The following VRK2 variants were observed in gnomAD, a reference collection of about 807,000 sequenced individuals.
VRK2 encodes the protein serine/threonine-protein kinase VRK2.
A neutral mutation model predicts 57.6 loss-of-function variants in VRK2; 60 were observed. The observed-to-expected ratio is 1.04, with a 90% confidence interval of 0.85 to 1.29. The LOEUF is 1.29. VRK2 is among the 50% of genes most tolerant of loss of function. The pLI is 0.00. For missense variants in VRK2, 705 were observed against 588.1 expected (o/e 1.20, Z -2.06); for synonymous variants, 231 against 199.2 (o/e 1.16, Z -1.35).
At chr2:58,013,858 CAAAAA>C (rs60604486) in intron 1 of VRK2, among the ~76,000 whole-genome samples, 2 of 62,806 alleles carry the variant, frequency 3.2e-5, no homozygotes, top group Admixed American at 1.7e-4. Context: ...GACTCCGTCT[CAAAAA>C]AAAAAAAAAA....
intron 2 of VRK2, among the ~76,000 whole-genome samples, chr2:58,026,024 A>G (rs960080000): frequency 1.1e-4 from 16 of 152,164 alleles, no homozygotes; most frequent in African/African-American, 3.9e-4. Flanking sequence ...CTATAAAACT[A>G]TGTGTTAATG....
chr2:57,936,531 G>GTTTTTTTTTTTTTTTTTTTTTTT (rs539088139), intron 1 of VRK2, among the ~76,000 whole-genome samples: 1 of 134,958 alleles, frequency 7.4e-6, no homozygotes, highest in Non-Finnish European at 1.6e-5. Context: ...TTGTTTTTTT[G>GTTTTTTTTTTTTTTTTTTTTTTT]TTTTTTTTTT....
At chr2:57,936,522 TG>T (rs201120313) in intron 1 of VRK2, among the ~76,000 whole-genome samples, 88 of 146,174 alleles carry the variant, frequency 6.0e-4, no homozygotes, top group African/African-American at 1.8e-3. Flanking sequence ...TGTTTTGTTT[TG>T]TTTTTTTGTT....
At chr2:58,138,675 C>T (rs1215302884) in intron 10 of VRK2, among the ~76,000 whole-genome samples, 1 of 152,122 alleles carries the variant, frequency 6.6e-6, no homozygotes, top group Admixed American at 6.5e-5. Flanking sequence ...CTCCTGCCAA[C>T]GCATGAAGTT....
chr2:58,076,951 T>C (rs1041266252), intron 2 of VRK2, among the ~76,000 whole-genome samples: 5 of 152,026 alleles, frequency 3.3e-5, no homozygotes, highest in Admixed American at 2.6e-4. Context: ...AAATAGCACA[T>C]AGTACATTAC....
chr2:58,137,869 A>C (rs1192580440), intron 10 of VRK2, among the ~76,000 whole-genome samples: 1 of 152,218 alleles, frequency 6.6e-6, no homozygotes, highest in Non-Finnish European at 1.5e-5. Flanking sequence ...TAATAAATCC[A>C]GATCTTGAAA....
rs142458537 is a variant in VRK2, at chr2:58,063,086, A to G, written c.136+14119A>G. Among the ~76,000 whole-genome samples the G allele has an allele frequency of 1.4e-4, 21 of 152,086 alleles. No homozygotes were observed. The East Asian group carries it at 4.1e-3, about 29-fold the overall frequency. ...GAAAATCCTAAGGCCCTTAAGAATTATGTTTACTATCTATTCTGCTTGTAC... is the reference window on the plus strand; with the variant it reads ...GAAAATCCTAAGGCCCTTAAGAATTGTGTTTACTATCTATTCTGCTTGTAC... On this transcript the variant is annotated intron_variant, in intron 2 of 12. Coordinates refer to ENST00000340157, the MANE Select transcript of VRK2 (RefSeq NM_006296.7).
In VRK2 at chr2:58,145,455, A is replaced by G. The variant is rs367870118; in HGVS notation, c.1024-861A>G. Among the ~76,000 whole-genome samples, 218 of 152,108 alleles carry G rather than the reference A, an allele frequency of 1.4e-3. 1 individual carries two copies. In the South Asian group the frequency reaches 0.023, roughly 16 times the overall value. On this transcript the variant is annotated intron_variant, in intron 11 of 12. Transcript: ENST00000340157. ...TGATAGAAAACTAAGATTTTAATTA[A>G]TAAGAATTTAAACTACAAAGATATA...
At chr2:58,047,736 C>T (rs1469637427) in intron 1 of VRK2, among the ~76,000 whole-genome samples, 1 of 145,470 alleles carries the variant, frequency 6.9e-6, no homozygotes. Flanking sequence ...ATTCCCAGCC[C>T]TTGTGTGCCT....
chr2:58,050,848 A>C (rs1462975669), intron 2 of VRK2, among the ~76,000 whole-genome samples: 1 of 151,198 alleles, frequency 6.6e-6, no homozygotes, highest in African/African-American at 2.4e-5. Context: ...ACATATTTTT[A>C]CTTTTTTTTT....
intron 7 of VRK2, among the ~76,000 whole-genome samples, chr2:58,103,052 A>G (rs1467433997): frequency 6.6e-6 from 1 of 151,710 alleles, no homozygotes; most frequent in African/African-American, 2.4e-5. Flanking sequence ...ATGGAGACAC[A>G]ACATACCAAA....
Position 57,975,832 on chromosome 2 carries a change from C to T in VRK2, c.-438-49833C>T, listed in dbSNP as rs143561064. On this transcript the variant is annotated intron_variant, in intron 1 of 15. Transcript: ENST00000417641. The stretch of plus-strand genomic sequence containing the variant: ...TTTGTTACATGGGTAAGTTGCATGT[C>T]ACTGGGGTTTGATATGCAAATGATT... Among the ~76,000 whole-genome samples, 66 of 151,662 alleles carry T rather than the reference C, an allele frequency of 4.4e-4. No homozygotes were observed. In the East Asian group the frequency reaches 0.012, roughly 28 times the overall value.
chr2:57,998,632 T>G (rs1672996421), intron 1 of VRK2, among the ~76,000 whole-genome samples: 1 of 152,180 alleles, frequency 6.6e-6, no homozygotes. Flanking sequence ...TTATTTTACT[T>G]TAATGAACGG....
chr2:58,016,858 T>C (rs772934368), intron 1 of VRK2, among the ~76,000 whole-genome samples: 1 of 152,188 alleles, frequency 6.6e-6, no homozygotes, highest in African/African-American at 2.4e-5. Context: ...CTCCTCACAA[T>C]AGTTTTCATA....
chr2:58,125,613 G>A (rs577895845), intron 8 of VRK2, among the ~76,000 whole-genome samples: 1 of 151,706 alleles, frequency 6.6e-6, no homozygotes, highest in Non-Finnish European at 1.5e-5. Context: ...TTTATCAAAG[G>A]TTTTACCAGA....
chr2:58,022,981 T>A (rs1317452419), intron 1 of VRK2, among the ~76,000 whole-genome samples: 3 of 152,244 alleles, frequency 2.0e-5, no homozygotes, highest in Non-Finnish European at 4.4e-5. Context: ...AAAATATACA[T>A]AACATAAAAG....
At chr2:57,913,689 T>A (rs1049352480) in intron 1 of VRK2, among the ~76,000 whole-genome samples, 3 of 152,172 alleles carry the variant, frequency 2.0e-5, no homozygotes, top group Admixed American at 6.5e-5. Flanking sequence ...TATATGTTTA[T>A]AATAATATTA....
At chr2:58,144,005 A>T (rs1335034919) in intron 11 of VRK2, among the ~76,000 whole-genome samples, 1 of 151,460 alleles carries the variant, frequency 6.6e-6, no homozygotes, top group Admixed American at 6.6e-5. Flanking sequence ...ACATACATAT[A>T]TACATATACA....
intron 1 of VRK2, among the ~76,000 whole-genome samples, chr2:57,942,772 AT>A (rs2103959728): frequency 6.6e-6 from 1 of 152,302 alleles, no homozygotes; most frequent in African/African-American, 2.4e-5. Flanking sequence ...CAAATTTAAT[AT>A]TATCCAGGTG....
Sources: gnomAD v4.1 joint callset for allele counts (sites outside exome capture counted in the v4.1 genomes callset) on GRCh38, gnomAD v4.1.1 for gene constraint, MANE v1.5 for transcripts, NCBI Gene and HGNC (gene_info 2026-07-23, HGNC 2026-07-21) for gene names.